PDE6B: variants seen among roughly 807,000 people sequenced by gnomAD.
PDE6B encodes rod cGMP-specific 3',5'-cyclic phosphodiesterase subunit beta.
A neutral mutation model predicts 109.0 loss-of-function variants in PDE6B; 106 were observed. That is an observed-to-expected ratio of 0.97 (90% CI 0.83 to 1.14). The LOEUF (loss-of-function observed/expected upper bound fraction) is 1.14, where lower values mean the gene tolerates loss of function less well. Ranked by LOEUF, PDE6B falls within the 50% of genes most tolerant of loss-of-function variation. PDE6B has a pLI of 0.00. For missense variants in PDE6B, 1,193 were observed against 1,155.6 expected, an observed-to-expected ratio of 1.03 and a Z score of -0.47; for synonymous variants, 490 against 471.3, an observed-to-expected ratio of 1.04 and a Z score of -0.51.
rs1432075520 is a variant in PDE6B at position 655,679 on chromosome 4, C to T, written c.993-261C>T. On this transcript the variant is annotated intron_variant, in intron 6 of 21. Transcript: ENST00000496514. ...AGAAGAGAGTAAATGCTGAGGATGG[C>T]ACATGAGCCAGAGACCCCCAGACCC... is the stretch of plus-strand genomic sequence containing the variant. The T allele has an allele frequency of 1.0e-5, 6 of 581,970 alleles. No individual in the cohort carries two copies. In the Admixed American group the frequency reaches 1.1e-4, roughly 11 times the overall value. The allele number at this position is 581,970 out of a possible 1,614,324, so 36.1% of individuals were successfully genotyped here. A position where few individuals can be genotyped will look rare whatever the true frequency, so the allele number is the denominator to read the frequency against.
At chr4:659,078 A>T in intron 11 of PDE6B, 61 bp downstream of exon 11, 1 of 1,251,392 alleles carries the variant, frequency 8.0e-7, no homozygotes, top group Non-Finnish European at 1.2e-6. Context: ...TGGGAGGAAG[A>T]GTTCTGCATT....
chr4:665,311 C>A lies in PDE6B; in HGVS notation c.2250C>A (p.Val750=). 1 of 1,611,812 alleles carries A rather than the reference C, an allele frequency of 6.2e-7. No homozygotes were observed. Among genetic ancestry groups the A allele is most frequent in the Non-Finnish European group, 8.5e-7 (1 of 1,178,712 alleles). ...FWEQGDLERT[V]LDQQPIPMMD... is the part of the protein sequence containing the mutation. ...AGCAAGGTGACTTGGAAAGGACAGT[C>A]TTGGATCAGCAGCCCATTGTGAGTG... Residue 750 remains valine (V), a synonymous_variant, in exon 19 of 22, where the codon GTC becomes GTA. Coordinates refer to ENST00000496514, the MANE Select transcript of PDE6B (RefSeq NM_000283.4). The surrounding 1 kb of genome is among the most constrained non-coding windows in gnomAD (Gnocchi z 4.0).
At chr4:644,047 T>C (rs1324662120) in intron 3 of PDE6B, among the ~76,000 whole-genome samples, 1 of 150,294 alleles carries the variant, frequency 6.7e-6, no homozygotes, top group South Asian at 2.1e-4. Context: ...GCCTCCCGAG[T>C]AGCTGGAACT....
At position 665,421 on chromosome 4, in the gene PDE6B, G is replaced by A; in HGVS notation, c.2268+92G>A. 2 of 871,198 alleles carry A rather than the reference G, an allele frequency of 2.3e-6. No homozygotes were observed. The highest frequency in any genetic ancestry group is 3.9e-6 in the Non-Finnish European group (2 of 517,216). The allele number at this position is 871,198 out of a possible 1,614,324, so 54.0% of individuals were successfully genotyped here. A position where few individuals can be genotyped will look rare whatever the true frequency, so the allele number is the denominator to read the frequency against. On this transcript the variant is annotated intron_variant, in intron 19 of 21. Transcript: ENST00000496514. This position sits in a 1 kb window ranked among gnomAD's most constrained non-coding sequence, Gnocchi z 4.0. ...AGCCTCAGGTCCTGGCTTGGTCTCA[G>A]GCAGGGGGTTCTGAGGTCGTGGGGT...
Position 643,364 on chromosome 4 carries a change from G to A in PDE6B, c.711+7395G>A, listed in dbSNP as rs979652851. ...CTATATTCATGAGCTACATTGGTCTGTAGTTTTTCTTTCTTATAATGTCTT... is the reference window on the plus strand; with the variant it reads ...CTATATTCATGAGCTACATTGGTCTATAGTTTTTCTTTCTTATAATGTCTT... On this transcript the variant is annotated intron_variant, in intron 3 of 21. Coordinates refer to ENST00000496514, the MANE Select transcript of PDE6B (RefSeq NM_000283.4). 3.9e-5 allele frequency among the ~76,000 whole-genome samples: 6 copies of A among 152,064 alleles called. No homozygotes were observed. The East Asian group carries it at 1.2e-3, about 29-fold the overall frequency.
Position 662,480 on chromosome 4 carries a change from C to T in PDE6B, c.1723-29C>T, listed in dbSNP as rs768703209. Reference sequence around the variant, plus strand: ...CTCCCCACCCTGCTGGAGCCAGGACCGGTGAGCAAGGTGGCCCTGTCTCTA... The same window carrying T: ...CTCCCCACCCTGCTGGAGCCAGGACTGGTGAGCAAGGTGGCCCTGTCTCTA... On this transcript the variant is annotated intron_variant, in intron 13 of 21. Transcript: ENST00000496514. This position sits in a 1 kb window ranked among gnomAD's most constrained non-coding sequence, Gnocchi z 4.3. The T allele has an allele frequency of 2.4e-5, 35 of 1,457,302 alleles. No individual in the cohort carries two copies. The East Asian group carries it at 4.1e-4, about 17-fold the overall frequency. The allele number at this position is 1,457,302 out of a possible 1,614,324, so 90.3% of individuals were successfully genotyped here.
chr4:670,107 A>G lies in PDE6B; in HGVS notation c.2565A>G (p.Ter855TrpextTer30). The stretch of plus-strand genomic sequence containing the variant: ...AGTCTTCAACCTGCTGTATCCTGTG[A>G]GCACTGGTCCCATGGGGACCCTATG... ...APKSSTCCIL[*>W] Residue 855 changes from the stop codon to tryptophan, a stop_lost, in exon 22 of 22, where the codon TGA becomes TGG. Coordinates refer to ENST00000496514, the MANE Select transcript of PDE6B (RefSeq NM_000283.4). The G allele has an allele frequency of 6.2e-7, 1 of 1,612,278 alleles. No individual in the cohort carries two copies. The highest frequency in any genetic ancestry group is 8.5e-7 in the Non-Finnish European group (1 of 1,178,800).
intron 10 of PDE6B, among the ~76,000 whole-genome samples, chr4:657,699 C>T (rs1421445336): frequency 1.4e-5 from 2 of 139,642 alleles, no homozygotes; most frequent in African/African-American, 2.7e-5. Context: ...GCAGGTCGTC[C>T]AGGGGTCACC....
At chr4:655,393 A>T in intron 6 of PDE6B, 1 of 285,904 alleles carries the variant, frequency 3.5e-6, no homozygotes, top group Non-Finnish European at 6.7e-6. Flanking sequence ...CCATAAGCCT[A>T]TTGGGACCCC....
intron 2 of PDE6B, 40 bp downstream of exon 2, chr4:634,869 C>T: frequency 6.3e-7 from 1 of 1,579,386 alleles, no homozygotes; most frequent in East Asian, 2.2e-5. Context: ...GCGTCTGCCT[C>T]CCTGCCTGCC....
chr4:656,088 G>A (rs1212824992), intron 7 of PDE6B, 82 bp downstream of exon 7: 6 of 1,062,804 alleles, frequency 5.6e-6, no homozygotes, highest in East Asian at 4.7e-5. Context: ...TCTCTGCCAC[G>A]TCCCGCCCTC....
Position 670,725 on chromosome 4 carries a change from A to G in PDE6B, c.*618A>G, listed in dbSNP as rs919961965. 1.3e-5 allele frequency: 2 copies of G among 153,142 alleles called. No homozygotes were observed. The highest frequency in any genetic ancestry group is 2.9e-5 in the Non-Finnish European group (2 of 68,704). 9.5% of individuals were successfully genotyped at this position (153,142 alleles called of 1,614,324 possible). On this transcript the variant is annotated 3_prime_UTR_variant, in exon 22 of 22. Coordinates refer to ENST00000496514, the MANE Select transcript of PDE6B (RefSeq NM_000283.4). ...GACAGATGGACACAGGCCGTTTCTC[A>G]TCCAGTTTAGGAAAACACACATGCT...
chr4:663,684 G>A lies in PDE6B; in HGVS notation c.1921-86G>A, dbSNP rs920387909. The A allele has an allele frequency of 5.2e-6, 5 of 966,868 alleles. No individual in the cohort carries two copies. The highest frequency in any genetic ancestry group is 1.6e-5 in the African/African-American group (1 of 61,920). 59.9% of individuals were successfully genotyped at this position (966,868 alleles called of 1,614,324 possible). On this transcript the variant is annotated intron_variant, in intron 15 of 21. Coordinates refer to ENST00000496514, the MANE Select transcript of PDE6B (RefSeq NM_000283.4). The surrounding 1 kb of genome is among the most constrained non-coding windows in gnomAD (Gnocchi z 4.0). ...CGAGGGCGGGGGCGTGAGAGGCACA[G>A]GCAGCCGAGGCGGAAGGGGCGGGGT... is the stretch of plus-strand genomic sequence containing the variant.
Position 625,768 on chromosome 4 carries a change from C to T in PDE6B, c.142C>T (p.Arg48Trp), listed in dbSNP as rs191195745. 4.3e-5 allele frequency: 70 copies of T among 1,613,484 alleles called. No homozygotes were observed. In the South Asian group the frequency reaches 5.1e-4, roughly 12 times the overall value. The part of the protein sequence containing the change: ...DGCPPDCDSL[R>W]DLCQVEESTA... Reference sequence around the variant, plus strand: ...GTGCCCGCCGGACTGCGACAGCCTCCGGGACCTCTGCCAGGTGGAGGAGAG... The same window carrying T: ...GTGCCCGCCGGACTGCGACAGCCTCTGGGACCTCTGCCAGGTGGAGGAGAG... The change falls in exon 1 of 22, where the codon CGG (arginine) becomes TGG (tryptophan). Residue 48 changes from arginine to tryptophan, a missense_variant. Physicochemically the swap from Arg to Trp is moderately radical, Grantham distance 101. Coordinates refer to ENST00000496514, the MANE Select transcript of PDE6B (RefSeq NM_000283.4). The surrounding 1 kb of genome is among the most constrained non-coding windows in gnomAD (Gnocchi z 5.0).
At chr4:649,543 C>T (rs1735387571) in intron 3 of PDE6B, among the ~76,000 whole-genome samples, 1 of 152,194 alleles carries the variant, frequency 6.6e-6, no homozygotes, top group African/African-American at 2.4e-5. Context: ...TTGGATTCCC[C>T]AGGCACTCGC....
Position 666,617 on chromosome 4 carries a change from G to C in PDE6B, c.2352+3G>C. The C allele has an allele frequency of 6.2e-7, 1 of 1,603,580 alleles. No individual in the cohort carries two copies. Among genetic ancestry groups the C allele is most frequent in the Non-Finnish European group, 8.5e-7 (1 of 1,170,714 alleles). On this transcript the variant is annotated splice_donor_region_variant and intron_variant, in intron 20 of 21. Coordinates refer to ENST00000496514, the MANE Select transcript of PDE6B (RefSeq NM_000283.4). The surrounding 1 kb of genome is among the most constrained non-coding windows in gnomAD (Gnocchi z 5.6). ...TCGTGTGCACATTCGTGTACAAGGC[G>C]AGTGGTTCACGGGTGTTCCGAGCTG...
In PDE6B at chr4:662,314, G is replaced by C. The variant is rs1737201949; in HGVS notation, c.1722+73G>C. 1 of 902,786 alleles carries C rather than the reference G, an allele frequency of 1.1e-6. No individual in the cohort carries two copies. The highest frequency in any genetic ancestry group is 1.6e-5 in the African/African-American group (1 of 60,866). 55.9% of individuals were successfully genotyped at this position (902,786 alleles called of 1,614,324 possible). A position where few individuals can be genotyped will look rare whatever the true frequency, so the allele number is the denominator to read the frequency against. On this transcript the variant is annotated intron_variant, in intron 13 of 21. Coordinates refer to ENST00000496514, the MANE Select transcript of PDE6B (RefSeq NM_000283.4). The surrounding 1 kb of genome is among the most constrained non-coding windows in gnomAD (Gnocchi z 4.3). ...CAAGGGCAGCACTCAAGCACCCCGA[G>C]GGATGAGATGGGGGTCCTCCCAGGG... is the stretch of plus-strand genomic sequence containing the variant.
chr4:642,743 A>AAAAAAAAAAAG, intron 3 of PDE6B, among the ~76,000 whole-genome samples: 3 of 151,470 alleles, frequency 2.0e-5, no homozygotes, highest in Non-Finnish European at 4.4e-5. Flanking sequence ...AAAAAAAAAA[A>AAAAAAAAAAAG]AAAAAAAGAA....
Position 625,838 on chromosome 4 carries a change from A to G in PDE6B, c.212A>G (p.Asn71Ser), listed in dbSNP as rs1734065351. ...GTGCAGGATATGCAGGAGAGCATCA[A>G]CATGGAGCGCGTGGTCTTCAAGGTC... ...ELVQDMQESI[N>S]MERVVFKVLR... Residue 71 changes from asparagine (N) to serine (S), a missense_variant, in exon 1 of 22, where the codon AAC becomes AGC. Asn to Ser is a conservative substitution (Grantham distance 46). Coordinates refer to ENST00000496514, the MANE Select transcript of PDE6B (RefSeq NM_000283.4). The surrounding 1 kb of genome is among the most constrained non-coding windows in gnomAD (Gnocchi z 5.0). 6.2e-7 allele frequency: 1 copy of G among 1,612,794 alleles called. No individual in the cohort carries two copies. Among genetic ancestry groups the G allele is most frequent in the African/African-American group, 1.3e-5 (1 of 74,936 alleles).
Sources: gnomAD v4.1 joint callset for allele counts (sites outside exome capture counted in the v4.1 genomes callset) on GRCh38, gnomAD v4.1.1 for gene constraint, Gnocchi (gnomAD v3.1) non-coding constraint, MANE v1.5 for transcripts, NCBI Gene and HGNC (gene_info 2026-07-23, HGNC 2026-07-21) for gene names.